The following CDK6 variants were observed in gnomAD, a reference collection of about 807,000 sequenced individuals.
CDK6 encodes cyclin dependent kinase 6, also known as cyclin-dependent kinase 6.
Under a neutral mutation model 37.1 loss-of-function variants are expected in CDK6, and 6 were observed. The observed-to-expected ratio is 0.16, with a 90% CI of 0.09 to 0.32. The LOEUF is 0.32. CDK6 is among the 10% of genes least tolerant of loss of function. CDK6 has a pLI of 1.00. For missense variants in CDK6, 224 were observed against 418.9 expected, an observed-to-expected ratio of 0.53 and a Z score of 4.06; for synonymous variants, 160 against 161.3, an observed-to-expected ratio of 0.99 and a Z score of 0.06.
chr7:92,829,831 C>T (rs919754454), intron 2 of CDK6, among the ~76,000 whole-genome samples: 3 of 152,078 alleles, frequency 2.0e-5, no homozygotes, highest in Non-Finnish European at 4.4e-5. Context: ...CAAAACAAGG[C>T]AATTAAAACA....
At chr7:92,694,070 G>A (rs1797655371) in intron 4 of CDK6, among the ~76,000 whole-genome samples, 1 of 152,258 alleles carries the variant, frequency 6.6e-6, no homozygotes, top group African/African-American at 2.4e-5. Context: ...ACACCACACA[G>A]TATAGGGGGT....
chr7:92,832,455 GT>G (rs1156948213), intron 2 of CDK6, among the ~76,000 whole-genome samples: 1 of 152,186 alleles, frequency 6.6e-6, no homozygotes, highest in Non-Finnish European at 1.5e-5. Context: ...AGGGATAACA[GT>G]TTTGGAAGAA....
At chr7:92,790,688 G>A (rs370061922) in intron 2 of CDK6, among the ~76,000 whole-genome samples, 11 of 151,876 alleles carry the variant, frequency 7.2e-5, no homozygotes, top group South Asian at 2.1e-4. Flanking sequence ...ATTCAAATCC[G>A]CACACACACA....
chr7:92,760,606 C>A (rs1799430107), intron 3 of CDK6, among the ~76,000 whole-genome samples: 2 of 152,036 alleles, frequency 1.3e-5, no homozygotes, highest in Admixed American at 1.3e-4. Flanking sequence ...TAGGGCAAAA[C>A]CAGTCAATTA....
chr7:92,621,349 AAAAG>A (rs1297326598), intron 6 of CDK6, among the ~76,000 whole-genome samples: 2 of 152,246 alleles, frequency 1.3e-5, no homozygotes, highest in Non-Finnish European at 2.9e-5. Flanking sequence ...GGACTTTGCC[AAAAG>A]CAGAACTGGC....
At chr7:92,811,594 A>T (rs540606677) in intron 2 of CDK6, among the ~76,000 whole-genome samples, 6 of 151,990 alleles carry the variant, frequency 3.9e-5, no homozygotes, top group Non-Finnish European at 8.8e-5. Context: ...TTTGTTGAAC[A>T]GCTCCTATGT....
intron 2 of CDK6, among the ~76,000 whole-genome samples, chr7:92,795,175 C>A (rs1199586834): frequency 2.0e-5 from 3 of 152,092 alleles, no homozygotes; most frequent in Admixed American, 2.0e-4. Context: ...CTCATGCTTT[C>A]TTTCCTCAGT....
At chr7:92,678,263 AC>A (rs1797251687) in intron 4 of CDK6, among the ~76,000 whole-genome samples, 1 of 152,244 alleles carries the variant, frequency 6.6e-6, no homozygotes. Flanking sequence ...AAAAGTCGCT[AC>A]TAATGGTAAC....
intron 5 of CDK6, among the ~76,000 whole-genome samples, chr7:92,647,835 G>T (rs1253700937): frequency 2.0e-5 from 3 of 152,208 alleles, no homozygotes; most frequent in East Asian, 1.9e-4. Context: ...GCTGTTCCCT[G>T]TTGGGAGACA....
chr7:92,655,009 ATT>A lies in CDK6; in HGVS notation c.647+16415_647+16416del, dbSNP rs11288006. Among the ~76,000 whole-genome samples the A allele has an allele frequency of 4.9e-3, 658 of 134,034 alleles. 6 individuals are homozygous for A. The highest frequency in any genetic ancestry group is 0.013 in the African/African-American group (457 of 35,822). The allele number at this position is 134,034 out of a possible 152,430, so 87.9% of individuals were successfully genotyped here. ...AGGCACGTGCCACCATGCCTGGATC[ATT>A]TTTTTTTTTTTTTTTGTAGAGACAG... is the stretch of plus-strand genomic sequence containing the variant. On this transcript the variant is annotated intron_variant, in intron 5 of 7. Coordinates refer to ENST00000424848, the MANE Select transcript of CDK6 (RefSeq NM_001145306.2).
chr7:92,675,506 A>T (rs2116612887), intron 4 of CDK6, among the ~76,000 whole-genome samples: 1 of 152,340 alleles, frequency 6.6e-6, no homozygotes, highest in East Asian at 1.9e-4. Context: ...GACACTCTGA[A>T]ATTCTATTTG....
At chr7:92,693,264 G>A (rs1258898838) in intron 4 of CDK6, among the ~76,000 whole-genome samples, 9 of 152,170 alleles carry the variant, frequency 5.9e-5, no homozygotes, top group Non-Finnish European at 1.3e-4. Flanking sequence ...TACAAGTAGA[G>A]AAAGAAATGG....
intron 5 of CDK6, among the ~76,000 whole-genome samples, chr7:92,632,270 A>G (rs1796070626): frequency 6.6e-6 from 1 of 152,130 alleles, no homozygotes; most frequent in African/African-American, 2.4e-5. Flanking sequence ...ATCACTAGAC[A>G]TTTTCTGAAA....
At chr7:92,774,588 G>C (rs530871952) in intron 3 of CDK6, 108 bp downstream of exon 3, 8 of 967,076 alleles carry the variant, frequency 8.3e-6, no homozygotes, top group Middle Eastern at 2.2e-4. Context: ...ACTATATACC[G>C]AATTCTAAAA....
chr7:92,754,203 T>C (rs1343200022), intron 3 of CDK6, among the ~76,000 whole-genome samples: 1 of 152,204 alleles, frequency 6.6e-6, no homozygotes, highest in Non-Finnish European at 1.5e-5. Context: ...TGCCAGCATC[T>C]TCCTCAGTAA....
At chr7:92,708,400 T>C (rs1251792149) in intron 4 of CDK6, among the ~76,000 whole-genome samples, 1 of 152,170 alleles carries the variant, frequency 6.6e-6, no homozygotes, top group Non-Finnish European at 1.5e-5. Flanking sequence ...GCTTGTTGTC[T>C]AAGGAAAAAA....
chr7:92,618,999 C>G (rs1795743340), intron 6 of CDK6, among the ~76,000 whole-genome samples: 1 of 152,112 alleles, frequency 6.6e-6, no homozygotes, highest in South Asian at 2.1e-4. Flanking sequence ...CATCTATGAC[C>G]CTTAGTGTCT....
chr7:92,725,573 C>A, intron 4 of CDK6, 53 bp downstream of exon 4: 2 of 1,533,366 alleles, frequency 1.3e-6, no homozygotes, highest in South Asian at 2.4e-5. Context: ...GACAGACTGT[C>A]ATTCAAAATA....
intron 4 of CDK6, 200 bp downstream of exon 4, chr7:92,725,426 C>A (rs556725205): frequency 1.4e-6 from 1 of 740,420 alleles, no homozygotes; most frequent in East Asian, 1.3e-4. Context: ...ATCCTGTCCA[C>A]AACAAGCCCA....
Sources: gnomAD v4.1 joint callset for allele counts (sites outside exome capture counted in the v4.1 genomes callset) on GRCh38, gnomAD v4.1.1 for gene constraint, MANE v1.5 for transcripts, NCBI Gene and HGNC (gene_info 2026-07-23, HGNC 2026-07-21) for gene names.